The following DGKH variants were observed in gnomAD, a reference collection of about 807,000 sequenced individuals.
The protein encoded by DGKH is DAG kinase eta.
Under a neutral mutation model 159.3 loss-of-function variants are expected in DGKH, and 90 were observed. The ratio of observed to expected loss-of-function variants is 0.57; its 90% CI spans 0.48 to 0.67. The LOEUF is 0.67. DGKH is among the 30% of genes least tolerant of loss of function. The pLI is 0.00. For synonymous variants in DGKH, 536 were observed against 553.8 expected (o/e 0.97, Z 0.45); for missense variants, 1,181 against 1,506.1 (o/e 0.78, Z 3.57).
intron 11 of DGKH, among the ~76,000 whole-genome samples, chr13:42,172,714 T>G (rs1956493201): frequency 6.6e-6 from 1 of 152,158 alleles, no homozygotes; most frequent in South Asian, 2.1e-4. Flanking sequence ...GCTGTTGTCA[T>G]CGAGGCTGGA....
chr13:42,051,165 A>G (rs1485352129), intron 1 of DGKH, among the ~76,000 whole-genome samples: 2 of 152,252 alleles, frequency 1.3e-5, no homozygotes, highest in African/African-American at 2.4e-5. Flanking sequence ...CATTTAGCAC[A>G]TACATTTTGC....
At chr13:42,041,102 G>GATC (rs1880472987) in intron 1 of DGKH, among the ~76,000 whole-genome samples, 3 of 152,162 alleles carry the variant, frequency 2.0e-5, no homozygotes, top group African/African-American at 7.2e-5. Context: ...CGCGCCGCCT[G>GATC]GAGCGCCTTT....
chr13:42,122,120 T>C (rs1955085849), intron 1 of DGKH, among the ~76,000 whole-genome samples: 1 of 152,092 alleles, frequency 6.6e-6, no homozygotes, highest in African/African-American at 2.4e-5. Context: ...TTTTATAATA[T>C]ATGTTAGTTG....
chr13:42,147,496 T>C (rs1955765717), intron 3 of DGKH, among the ~76,000 whole-genome samples: 2 of 152,236 alleles, frequency 1.3e-5, no homozygotes, highest in Admixed American at 6.5e-5. Context: ...CAAAACAAGA[T>C]AATTATTTTG....
At chr13:42,202,441 C>T (rs1028873877) in intron 20 of DGKH, among the ~76,000 whole-genome samples, 4 of 152,180 alleles carry the variant, frequency 2.6e-5, no homozygotes, top group African/African-American at 7.2e-5. Flanking sequence ...TAAGTTTTCC[C>T]TCCCCGTTAT....
At chr13:42,164,849 T>C (rs1428264028) in intron 7 of DGKH, among the ~76,000 whole-genome samples, 1 of 152,204 alleles carries the variant, frequency 6.6e-6, no homozygotes, top group South Asian at 2.1e-4. Flanking sequence ...TAGAAAGTTA[T>C]GGGATTACTG....
At chr13:42,117,655 A>G (rs1257340234) in intron 1 of DGKH, among the ~76,000 whole-genome samples, 3 of 152,190 alleles carry the variant, frequency 2.0e-5, no homozygotes, top group Non-Finnish European at 4.4e-5. Context: ...TATTTTATAC[A>G]TCTTTATATA....
intron 1 of DGKH, among the ~76,000 whole-genome samples, chr13:42,080,908 C>A (rs4942090): frequency 0.056 from 8,540 of 151,988 alleles, 347 homozygotes; most frequent in African/African-American, 0.12. Flanking sequence ...AACTATGAAT[C>A]TAAGTTCATA....
chr13:42,142,648 T>A (rs1418852761), intron 3 of DGKH, among the ~76,000 whole-genome samples: 1 of 152,002 alleles, frequency 6.6e-6, no homozygotes, highest in Non-Finnish European at 1.5e-5. Flanking sequence ...ATTTTATTCT[T>A]TTTGAAGCAA....
chr13:42,160,211 G>A, intron 7 of DGKH, 75 bp downstream of exon 7: 2 of 1,601,326 alleles, frequency 1.2e-6, no homozygotes, highest in Non-Finnish European at 1.7e-6. Flanking sequence ...TGGTTTAGAG[G>A]CAAAGCAAAG....
chr13:42,216,617 T>G (rs935515501), intron 26 of DGKH: 1 of 152,220 alleles, frequency 6.6e-6, no homozygotes, highest in Non-Finnish European at 1.5e-5. Context: ...AAGTGCCACC[T>G]TTGGGGCATC....
chr13:42,061,976 A>AGTGTGTGTGGGG, intron 1 of DGKH, among the ~76,000 whole-genome samples: 2 of 78,548 alleles, frequency 2.5e-5, no homozygotes, highest in South Asian at 1.2e-3. Flanking sequence ...AAAGATGGAG[A>AGTGTGTGTGGGG]GTGTGTGTGT....
intron 11 of DGKH, 150 bp downstream of exon 11, chr13:42,168,968 C>A: frequency 2.4e-6 from 2 of 829,664 alleles, no homozygotes; most frequent in Non-Finnish European, 3.6e-6. Context: ...ACTGGTTAAT[C>A]CCTGAGATGG....
At chr13:42,186,830 G>A (rs1423868321) in intron 13 of DGKH, among the ~76,000 whole-genome samples, 1 of 152,148 alleles carries the variant, frequency 6.6e-6, no homozygotes, top group Non-Finnish European at 1.5e-5. Context: ...TATAATTTAA[G>A]TAATATACAG....
At chr13:42,205,140 G>T (rs1358641147) in intron 20 of DGKH, among the ~76,000 whole-genome samples, 1 of 152,108 alleles carries the variant, frequency 6.6e-6, no homozygotes, top group African/African-American at 2.4e-5. Context: ...TAAAATGAAG[G>T]CTTAAACATT....
chr13:42,210,516 A>G, intron 23 of DGKH, 86 bp from the exon 24 acceptor site: 2 of 1,312,724 alleles, frequency 1.5e-6, no homozygotes, highest in Non-Finnish European at 2.1e-6. Context: ...TTAGAGAAAA[A>G]GCAATTGTAG....
rs1426758480 is a variant in DGKH, at chr13:42,233,949, A to G, written c.*4761A>G. On this transcript the variant is annotated 3_prime_UTR_variant, in exon 30 of 30. Transcript: ENST00000337343. The stretch of plus-strand genomic sequence containing the variant: ...TGAATGAATTGTTAGTCATGCAAAA[A>G]AAGAAAAGGAATGAACCAAGATGAT... 6.6e-6 allele frequency: 1 copy of G among 152,226 alleles called. No homozygotes were observed. Among genetic ancestry groups the G allele is most frequent in the Non-Finnish European group, 1.5e-5 (1 of 68,038 alleles). The allele number at this position is 152,226 out of a possible 1,614,324, so 9.4% of individuals were successfully genotyped here. A position where few individuals can be genotyped will look rare whatever the true frequency, so the allele number is the denominator to read the frequency against.
intron 1 of DGKH, among the ~76,000 whole-genome samples, chr13:42,113,116 G>C (rs1954897142): frequency 6.6e-6 from 1 of 152,124 alleles, no homozygotes; most frequent in Non-Finnish European, 1.5e-5. Flanking sequence ...CTACTCCTGG[G>C]TGGGGGCAGA....
At chr13:42,053,707 C>G (rs1245373817) in intron 1 of DGKH, among the ~76,000 whole-genome samples, 3 of 151,554 alleles carry the variant, frequency 2.0e-5, no homozygotes, top group Non-Finnish European at 4.4e-5. Flanking sequence ...CAACCTCCGC[C>G]TCCTGGGTTC....
Sources: gnomAD v4.1 joint callset for allele counts (sites outside exome capture counted in the v4.1 genomes callset) on GRCh38, gnomAD v4.1.1 for gene constraint, MANE v1.5 for transcripts, NCBI Gene and HGNC (gene_info 2026-07-23, HGNC 2026-07-21) for gene names.